The following MARCHF10 variants were observed in gnomAD, a reference collection of about 807,000 sequenced individuals.
The protein encoded by MARCHF10 is probable E3 ubiquitin-protein ligase MARCHF10.
In MARCHF10, 64 loss-of-function variants were observed where a neutral mutation model predicts 76.2. The ratio of observed to expected loss-of-function variants is 0.84; its 90% confidence interval spans 0.69 to 1.03. The LOEUF (loss-of-function observed/expected upper bound fraction) is 1.03. Ranked by LOEUF, MARCHF10 falls within the 50% of genes least tolerant of loss-of-function variation. The pLI is 0.00. For missense variants in MARCHF10, 875 were observed against 958.0 expected (o/e 0.91, Z 1.14); for synonymous variants, 340 against 357.5 (o/e 0.95, Z 0.55).
intron 2 of MARCHF10, among the ~76,000 whole-genome samples, chr17:62,796,919 A>G (rs9907735): frequency 0.68 from 103,398 of 151,972 alleles, 35,940 homozygotes; most frequent in African/African-American, 0.85. Context: ...CTTGAGGCTG[A>G]GAGGTTGAGG....
intron 3 of MARCHF10, among the ~76,000 whole-genome samples, chr17:62,772,027 T>A (rs910490175): frequency 7.2e-5 from 11 of 152,004 alleles, no homozygotes; most frequent in African/African-American, 2.7e-4. Flanking sequence ...ATTGAGGAAG[T>A]GAAATGGAAA....
intron 1 of MARCHF10, among the ~76,000 whole-genome samples, chr17:62,803,352 G>A (rs1386608282): frequency 6.6e-6 from 1 of 152,082 alleles, no homozygotes; most frequent in Non-Finnish European, 1.5e-5. Flanking sequence ...GAATGGATGG[G>A]GTGGGGGTGA....
chr17:62,775,132 C>CT (rs35354893), intron 3 of MARCHF10, among the ~76,000 whole-genome samples: 28,018 of 142,540 alleles, frequency 0.2, 7,661 homozygotes, highest in African/African-American at 0.62. Flanking sequence ...CCTGGCCTTC[C>CT]TTTTTTTTTT....
intron 6 of MARCHF10, among the ~76,000 whole-genome samples, chr17:62,726,669 G>A (rs2090771162): frequency 6.6e-6 from 1 of 152,158 alleles, no homozygotes; most frequent in Non-Finnish European, 1.5e-5. Flanking sequence ...GTCTTGCTCT[G>A]TCACCCAGGC....
intron 6 of MARCHF10, among the ~76,000 whole-genome samples, chr17:62,730,722 T>C (rs1214886862): frequency 6.6e-6 from 1 of 152,016 alleles, no homozygotes; most frequent in Non-Finnish European, 1.5e-5. Context: ...GGTGAAACCC[T>C]GTCTCTACTA....
chr17:62,775,465 A>T (rs962761421), intron 3 of MARCHF10, among the ~76,000 whole-genome samples: 1 of 150,184 alleles, frequency 6.7e-6, no homozygotes, highest in Non-Finnish European at 1.5e-5. Context: ...TGAACTACAG[A>T]CATTTGTATA....
intron 3 of MARCHF10, among the ~76,000 whole-genome samples, chr17:62,784,500 C>G (rs1463181999): frequency 6.6e-6 from 1 of 152,126 alleles, no homozygotes; most frequent in African/African-American, 2.4e-5. Flanking sequence ...TCTTATTGAA[C>G]ATAGTGTTGG....
At chr17:62,793,921 C>A (rs1306713802) in intron 2 of MARCHF10, among the ~76,000 whole-genome samples, 2 of 150,578 alleles carry the variant, frequency 1.3e-5, no homozygotes, top group African/African-American at 4.9e-5. Flanking sequence ...ATCACCACCA[C>A]CACCACCTCT....
At chr17:62,782,342 G>GTTTTTTT (rs1386514618) in intron 3 of MARCHF10, among the ~76,000 whole-genome samples, 15 of 111,650 alleles carry the variant, frequency 1.3e-4, no homozygotes, top group Non-Finnish European at 1.5e-4. Context: ...GCAAACAACT[G>GTTTTTTT]TTCTTTTTTT....
chr17:62,704,840 C>T, intron 10 of MARCHF10: 1 of 771,548 alleles, frequency 1.3e-6, no homozygotes, highest in Non-Finnish European at 1.6e-6. Context: ...ACCCAGTTGT[C>T]ACACACCGCT....
intron 3 of MARCHF10, among the ~76,000 whole-genome samples, chr17:62,781,269 G>A (rs2092653582): frequency 6.6e-6 from 1 of 152,166 alleles, no homozygotes; most frequent in Non-Finnish European, 1.5e-5. Context: ...ACCAATACCT[G>A]TTGGAGCATC....
At chr17:62,775,250 C>T (rs912789841) in intron 3 of MARCHF10, among the ~76,000 whole-genome samples, 28 of 151,426 alleles carry the variant, frequency 1.8e-4, no homozygotes, top group Non-Finnish European at 2.7e-4. Context: ...TTTAGCCTCC[C>T]GAGTAGCTGG....
At chr17:62,790,872 G>C (rs372804167) in intron 2 of MARCHF10, among the ~76,000 whole-genome samples, 1 of 152,224 alleles carries the variant, frequency 6.6e-6, no homozygotes, top group African/African-American at 2.4e-5. Context: ...TCTAGCCTCC[G>C]GGCTCATCAC....
rs573961867 is a variant in MARCHF10 at position 62,792,706 on chromosome 17, C to T, written c.91-4107G>A. 3.0e-3 allele frequency among the ~76,000 whole-genome samples: 442 copies of T among 148,090 alleles called. 2 individuals carry two copies. The highest frequency in any genetic ancestry group is 0.011 in the African/African-American group (427 of 40,044). ...TCCATCACCACCATCACCTCCATCA[C>T]TACAACCATCACCACCACCACCACC... On this transcript the variant is annotated intron_variant, in intron 2 of 10. Coordinates refer to ENST00000311269, the MANE Select transcript of MARCHF10 (RefSeq NM_152598.4).
At position 62,705,656 on chromosome 17, in the gene MARCHF10, C is replaced by A. The variant is rs1337129669; in HGVS notation, c.2329-75G>T. The A allele has an allele frequency of 3.2e-6, 5 of 1,562,180 alleles. No individual in the cohort carries two copies. In the East Asian group the frequency reaches 6.7e-5, roughly 21 times the overall value. ...GTGAACAGATGTATAACCTCCTAGTCGCAGCAACGTTCTAGGAATCCCTTA... is the reference window on the plus strand; with the variant it reads ...GTGAACAGATGTATAACCTCCTAGTAGCAGCAACGTTCTAGGAATCCCTTA... On this transcript the variant is annotated intron_variant, in intron 9 of 10. Coordinates refer to ENST00000311269, the MANE Select transcript of MARCHF10 (RefSeq NM_152598.4).
intron 4 of MARCHF10, among the ~76,000 whole-genome samples, chr17:62,754,002 G>A (rs904912891): frequency 2.0e-5 from 3 of 152,092 alleles, no homozygotes; most frequent in Non-Finnish European, 4.4e-5. Context: ...ATCCCCATAG[G>A]TACTGGATAA....
intron 2 of MARCHF10, among the ~76,000 whole-genome samples, chr17:62,798,454 A>AT: frequency 6.6e-6 from 1 of 151,982 alleles, no homozygotes; most frequent in Non-Finnish European, 1.5e-5. Context: ...AAAAAAAAAA[A>AT]AAAAAAGAAA....
chr17:62,802,367 C>A (rs2093088763), intron 1 of MARCHF10, among the ~76,000 whole-genome samples: 1 of 152,006 alleles, frequency 6.6e-6, no homozygotes, highest in Non-Finnish European at 1.5e-5. Flanking sequence ...TTACAGGCAC[C>A]TGCCACCACG....
chr17:62,743,192 G>A (rs2147854904), intron 5 of MARCHF10, among the ~76,000 whole-genome samples: 1 of 152,300 alleles, frequency 6.6e-6, no homozygotes, highest in Non-Finnish European at 1.5e-5. Context: ...TGGAGCTGAA[G>A]GCTGCCTTAA....
Sources: allele counts gnomAD v4.1 joint callset (sites outside exome capture counted in the v4.1 genomes callset), GRCh38; gene constraint gnomAD v4.1.1; transcripts MANE v1.5; gene names NCBI Gene and HGNC (gene_info 2026-07-23, HGNC 2026-07-21).